STK32B: variants seen among roughly 807,000 people sequenced by gnomAD.
STK32B encodes the protein serine/threonine kinase 32B.
In STK32B, 43 loss-of-function variants were observed where a neutral mutation model predicts 52.6. The observed-to-expected ratio is 0.82, with a 90% CI of 0.64 to 1.05. The LOEUF (loss-of-function observed/expected upper bound fraction) is 1.05, where lower values mean the gene tolerates loss of function less well. Among genes scored for constraint, STK32B ranks in the 50% least tolerant of loss-of-function variants. The pLI, the probability that STK32B is intolerant of heterozygous loss-of-function variation, is 0.00. For synonymous variants in STK32B, 238 were observed against 204.3 expected, an observed-to-expected ratio of 1.17 and a Z score of -1.41; for missense variants, 621 against 534.6, an observed-to-expected ratio of 1.16 and a Z score of -1.59.
chr4:5,372,508 T>C (rs535800580), intron 4 of STK32B, among the ~76,000 whole-genome samples: 1 of 152,240 alleles, frequency 6.6e-6, no homozygotes, highest in East Asian at 1.9e-4. Flanking sequence ...CTATTCAATA[T>C]TACCATCCTA....
chr4:5,152,419 G>T (rs1046077318), intron 2 of STK32B, among the ~76,000 whole-genome samples: 10 of 152,244 alleles, frequency 6.6e-5, no homozygotes, highest in Non-Finnish European at 4.4e-5. Flanking sequence ...GATTCCTCCA[G>T]AAGTTGATTT....
intron 4 of STK32B, among the ~76,000 whole-genome samples, chr4:5,374,951 G>C (rs1307425383): frequency 6.6e-6 from 1 of 152,186 alleles, no homozygotes; most frequent in Non-Finnish European, 1.5e-5. Context: ...AAGTTAAGGA[G>C]ATACTAGAGT....
intron 1 of STK32B, among the ~76,000 whole-genome samples, chr4:5,056,294 G>A (rs1188495513): frequency 6.6e-6 from 1 of 152,120 alleles, no homozygotes; most frequent in Admixed American, 6.5e-5. Context: ...AAAAAGGTTG[G>A]GGACCACTGC....
Position 5,308,976 on chromosome 4 carries a change from G to A in STK32B, c.261-22244G>A, listed in dbSNP as rs78139164. Among the ~76,000 whole-genome samples, 1,443 of 152,058 alleles carry A rather than the reference G, an allele frequency of 9.5e-3. 51 individuals are homozygous for A. In the East Asian group the frequency reaches 0.11, roughly 12 times the overall value. ...AGTCAAATTGTCTCTGCTTGTAGAT[G>A]ACATGATCTTATGTATAGAAAACCC... On this transcript the variant is annotated intron_variant, in intron 3 of 11. Coordinates refer to ENST00000282908, the MANE Select transcript of STK32B (RefSeq NM_018401.3).
At chr4:5,295,273 A>G (rs1729124007) in intron 3 of STK32B, among the ~76,000 whole-genome samples, 1 of 152,134 alleles carries the variant, frequency 6.6e-6, no homozygotes. Flanking sequence ...TTTTGGTATC[A>G]GGATGATGCC....
the STK32B span, among the ~76,000 whole-genome samples, chr4:5,021,843 G>C: frequency 4.6e-5 from 7 of 152,160 alleles, no homozygotes; most frequent in African/African-American, 1.7e-4. Flanking sequence ...GGTACCAACT[G>C]AGATATGGTG....
At chr4:5,228,642 C>G (rs1724034187) in intron 3 of STK32B, among the ~76,000 whole-genome samples, 1 of 152,108 alleles carries the variant, frequency 6.6e-6, no homozygotes, top group African/African-American at 2.4e-5. Flanking sequence ...TAAAGAGAAT[C>G]ACAATAATTC....
intron 4 of STK32B, among the ~76,000 whole-genome samples, chr4:5,383,976 T>C (rs1736091226): frequency 6.6e-6 from 1 of 151,680 alleles, no homozygotes; most frequent in African/African-American, 2.4e-5. Context: ...GGGGAGGTGA[T>C]AGGGAGCGCT....
intron 6 of STK32B, among the ~76,000 whole-genome samples, chr4:5,445,198 A>T (rs1715275585): frequency 6.6e-6 from 1 of 152,142 alleles, no homozygotes; most frequent in African/African-American, 2.4e-5. Flanking sequence ...AAGCAAATGG[A>T]GAATATCGCC....
intron 3 of STK32B, among the ~76,000 whole-genome samples, chr4:5,250,310 C>CTTTTTTTTTTT (rs143911318): frequency 8.4e-6 from 1 of 119,260 alleles, no homozygotes. Context: ...GTTTTAAGTT[C>CTTTTTTTTTTT]TTTTTTTTTT....
chr4:5,266,735 T>C (rs1426824636), intron 3 of STK32B, among the ~76,000 whole-genome samples: 1 of 152,224 alleles, frequency 6.6e-6, no homozygotes. Flanking sequence ...TTTCTTTTCA[T>C]CCTGGTGATC....
At chr4:5,367,296 A>G (rs1293999161) in intron 4 of STK32B, among the ~76,000 whole-genome samples, 2 of 152,126 alleles carry the variant, frequency 1.3e-5, no homozygotes, top group Non-Finnish European at 2.9e-5. Context: ...TGATTTGTCA[A>G]ACAGAAGAGG....
chr4:5,406,414 A>G (rs1345598450), intron 5 of STK32B, among the ~76,000 whole-genome samples: 1 of 152,114 alleles, frequency 6.6e-6, no homozygotes, highest in South Asian at 2.1e-4. Context: ...CAACTCCACT[A>G]GGCAGTGCCC....
intron 11 of STK32B, among the ~76,000 whole-genome samples, chr4:5,485,571 CCTT>C (rs1460811688): frequency 6.6e-6 from 1 of 152,162 alleles, no homozygotes; most frequent in Non-Finnish European, 1.5e-5. Flanking sequence ...TCTTCTGAAG[CCTT>C]CTTCTCTCAA....
chr4:5,104,171 A>G (rs1243717255), intron 1 of STK32B, among the ~76,000 whole-genome samples: 1 of 147,156 alleles, frequency 6.8e-6, no homozygotes, highest in Non-Finnish European at 1.5e-5. Flanking sequence ...AGGGGCCAGA[A>G]GGAGATAATT....
In STK32B at chr4:5,187,230, A is replaced by G. The variant is rs1342126252; in HGVS notation, c.260+18780A>G. Among the ~76,000 whole-genome samples, 6 of 152,164 alleles carry G rather than the reference A, an allele frequency of 3.9e-5. No individual in the cohort carries two copies. In the South Asian group the frequency reaches 1.2e-3, roughly 31 times the overall value. On this transcript the variant is annotated intron_variant, in intron 3 of 11. Transcript: ENST00000282908. ...TACTCCGCTTCTCCCGCACCACAAC[A>G]CAGCACCTTCTTGTGCCCGTTTTCC...
chr4:5,127,974 G>A (rs564000412), intron 1 of STK32B, among the ~76,000 whole-genome samples: 100 of 152,308 alleles, frequency 6.6e-4, no homozygotes, highest in African/African-American at 1.7e-3. Flanking sequence ...TTGCTCCTCA[G>A]TCACCTTCCA....
chr4:5,480,872 G>C (rs1293955235), intron 11 of STK32B, among the ~76,000 whole-genome samples: 1 of 152,002 alleles, frequency 6.6e-6, no homozygotes, highest in Non-Finnish European at 1.5e-5. Context: ...TGAGAATGAT[G>C]GTTTCCAGCT....
intron 3 of STK32B, among the ~76,000 whole-genome samples, chr4:5,210,145 T>C (rs185997289): frequency 2.0e-5 from 3 of 152,310 alleles, no homozygotes; most frequent in East Asian, 3.9e-4. Flanking sequence ...AACTAGCATC[T>C]TGTTACAAAG....
Sources: allele counts gnomAD v4.1 joint callset (sites outside exome capture counted in the v4.1 genomes callset), GRCh38; gene constraint gnomAD v4.1.1; transcripts MANE v1.5; gene names NCBI Gene and HGNC (gene_info 2026-07-23, HGNC 2026-07-21).